Variants in NTM observed in about 807,000 individuals in gnomAD.
The protein encoded by NTM is neurotrimin, also known as IgLON family member 2.
Under a neutral mutation model 42.1 loss-of-function variants are expected in NTM, and 13 were observed. That is an observed-to-expected ratio of 0.31 (90% CI 0.20 to 0.49). The LOEUF (loss-of-function observed/expected upper bound fraction) is 0.49. Ranked by LOEUF, NTM falls within the 20% of genes least tolerant of loss-of-function variation. NTM has a pLI of 0.99. For synonymous variants in NTM, 187 were observed against 179.2 expected (o/e 1.04, Z -0.35); for missense variants, 373 against 452.8 (o/e 0.82, Z 1.60).
At chr11:131,386,703 G>C (rs1179177760) in intron 1 of NTM, among the ~76,000 whole-genome samples, 1 of 152,236 alleles carries the variant, frequency 6.6e-6, no homozygotes, top group African/African-American at 2.4e-5. Context: ...TTCCAAGAGA[G>C]CAAAAAGGAC....
intron 1 of NTM, among the ~76,000 whole-genome samples, chr11:131,385,847 G>A (rs1943253772): frequency 1.3e-5 from 2 of 152,188 alleles, no homozygotes; most frequent in Non-Finnish European, 2.9e-5. Context: ...AGCAGAGCAA[G>A]ACTCAGTGTC....
At chr11:131,909,984 A>C (rs989430902) in intron 1 of NTM, 6 of 152,224 alleles carry the variant, frequency 3.9e-5, no homozygotes, top group African/African-American at 1.4e-4. Context: ...AAGAATAAAG[A>C]ATGTAAGTGG....
chr11:131,976,359 C>T (rs1054996750), intron 2 of NTM, among the ~76,000 whole-genome samples: 8 of 152,100 alleles, frequency 5.3e-5, no homozygotes, highest in East Asian at 1.9e-4. Flanking sequence ...TTGGCCAGGT[C>T]GGGGACAGTA....
chr11:131,941,395 T>G (rs988280095), intron 2 of NTM, among the ~76,000 whole-genome samples: 6 of 152,200 alleles, frequency 3.9e-5, no homozygotes, highest in African/African-American at 1.4e-4. Context: ...CATGGGGATA[T>G]GGATTCAAAT....
chr11:132,054,495 T>C (rs2079315884), intron 2 of NTM, among the ~76,000 whole-genome samples: 1 of 152,232 alleles, frequency 6.6e-6, no homozygotes, highest in African/African-American at 2.4e-5. Flanking sequence ...TACACTTTAA[T>C]GTGAAATCCT....
At chr11:132,167,403 A>G (rs2075441899) in intron 3 of NTM, among the ~76,000 whole-genome samples, 1 of 152,108 alleles carries the variant, frequency 6.6e-6, no homozygotes, top group Admixed American at 6.5e-5. Context: ...CCCTCTCAAA[A>G]TTCTACTCTT....
At chr11:131,412,759 G>A (rs1016532548) in intron 1 of NTM, among the ~76,000 whole-genome samples, 1 of 152,168 alleles carries the variant, frequency 6.6e-6, no homozygotes, top group Admixed American at 6.5e-5. Flanking sequence ...AAAATAATAT[G>A]TACTCTAAAG....
intron 2 of NTM, among the ~76,000 whole-genome samples, chr11:131,912,846 C>T (rs183780117): frequency 1.6e-4 from 24 of 152,242 alleles, no homozygotes; most frequent in African/African-American, 5.3e-4. Flanking sequence ...ATACTTAAGG[C>T]AATATCTATA....
intron 1 of NTM, among the ~76,000 whole-genome samples, chr11:131,462,085 C>T (rs573573161): frequency 6.6e-6 from 1 of 152,304 alleles, no homozygotes; most frequent in South Asian, 2.1e-4. Context: ...CAAAATACTA[C>T]TCAGCAATAA....
At chr11:131,569,172 T>C (rs1592080352) in intron 1 of NTM, among the ~76,000 whole-genome samples, 1 of 151,382 alleles carries the variant, frequency 6.6e-6, no homozygotes, top group East Asian at 1.9e-4. Flanking sequence ...GAGACAGAGT[T>C]TCGCTCTCGT....
At chr11:132,243,395 G>A (rs1027071556) in intron 4 of NTM, among the ~76,000 whole-genome samples, 1 of 152,174 alleles carries the variant, frequency 6.6e-6, no homozygotes, top group African/African-American at 2.4e-5. Flanking sequence ...ATTATTGGGG[G>A]TACGTCGAGG....
intron 1 of NTM, among the ~76,000 whole-genome samples, chr11:131,453,995 C>G (rs1209315049): frequency 6.6e-6 from 1 of 152,236 alleles, no homozygotes; most frequent in Admixed American, 6.5e-5. Flanking sequence ...TCTCATCAAA[C>G]ATCGCTCCCA....
intron 1 of NTM, among the ~76,000 whole-genome samples, chr11:131,816,380 A>G (rs2092952191): frequency 6.6e-6 from 1 of 152,138 alleles, no homozygotes; most frequent in Admixed American, 6.5e-5. Flanking sequence ...CTACCATCGT[A>G]GTTTTTTAAA....
At chr11:131,557,366 C>T (rs989346750) in intron 1 of NTM, among the ~76,000 whole-genome samples, 1 of 152,178 alleles carries the variant, frequency 6.6e-6, no homozygotes, top group African/African-American at 2.4e-5. Context: ...GTGAAAGACA[C>T]TTGACATTTT....
intron 1 of NTM, among the ~76,000 whole-genome samples, chr11:131,907,529 A>G (rs1232643841): frequency 6.6e-6 from 1 of 152,210 alleles, no homozygotes; most frequent in African/African-American, 2.4e-5. Flanking sequence ...GCATTGTCCT[A>G]TAGATATTTT....
At chr11:132,129,919 T>G (rs2066522924) in intron 2 of NTM, among the ~76,000 whole-genome samples, 1 of 152,228 alleles carries the variant, frequency 6.6e-6, no homozygotes, top group African/African-American at 2.4e-5. Context: ...AGTTTTCTTG[T>G]GCAGTTTTGG....
chr11:131,552,499 C>T (rs140056104), intron 1 of NTM, among the ~76,000 whole-genome samples: 5 of 143,954 alleles, frequency 3.5e-5, no homozygotes, highest in East Asian at 4.0e-4. Flanking sequence ...AGCGAGACTC[C>T]GTCTCAAAAA....
chr11:132,081,762 A>T (rs2136287974), intron 2 of NTM, among the ~76,000 whole-genome samples: 1 of 151,710 alleles, frequency 6.6e-6, no homozygotes, highest in Admixed American at 6.6e-5. Context: ...CTGGCTCTTT[A>T]AATCTACTAA....
intron 7 of NTM, 193 bp from the exon 8 acceptor site, chr11:132,329,960 G>A (rs991543821): frequency 6.0e-5 from 26 of 436,244 alleles, no homozygotes; most frequent in African/African-American, 5.2e-4. Flanking sequence ...GGCTGCCCAA[G>A]TAAACCAGAA....
Sources: gnomAD v4.1 joint callset for allele counts (sites outside exome capture counted in the v4.1 genomes callset) on GRCh38, gnomAD v4.1.1 for gene constraint, MANE v1.5 for transcripts, NCBI Gene and HGNC (gene_info 2026-07-23, HGNC 2026-07-21) for gene names.